The following MUC5B variants were observed in gnomAD, a reference collection of about 807,000 sequenced individuals.
The protein encoded by MUC5B is mucin 5B, oligomeric mucus/gel-forming, also known as mucin-5B.
In MUC5B, 116 loss-of-function variants were observed where a neutral mutation model predicts 376.9. That is an observed-to-expected ratio of 0.31 (90% CI 0.26 to 0.36). The LOEUF is 0.36. MUC5B is among the 10% of genes least tolerant of loss of function. The probability of loss-of-function intolerance (pLI) is 1.00; values close to 1 mark genes in which losing one functional copy is unlikely to be tolerated. For missense variants in MUC5B, 7,165 were observed against 7,769.9 expected, an observed-to-expected ratio of 0.92 and a Z score of 2.93; for synonymous variants, 3,517 against 3,390.9, an observed-to-expected ratio of 1.04 and a Z score of -1.29.
intron 9 of MUC5B, among the ~76,000 whole-genome samples, 180 bp from the exon 10 acceptor site, chr11:1,229,510 G>A (rs1861972324): frequency 6.6e-6 from 1 of 152,122 alleles, no homozygotes; most frequent in South Asian, 2.1e-4. Flanking sequence ...TGGGCATGGT[G>A]GGGAAACTGA....
In MUC5B at chr11:1,229,258, C is replaced by T. The variant is rs2075859; in HGVS notation, c.1065C>T (p.Cys355=). The T allele has an allele frequency of 0.37, 585,091 of 1,586,682 alleles. 109,515 individuals are homozygous for T. Among genetic ancestry groups the T allele is most frequent in the East Asian group, 0.6 (25,828 of 43,292 alleles). ...TCSNPQRAQL[C]EDHCVDGCFC... is the part of the protein sequence containing the mutation. ...CCAACCCCCAGCGCGCGCAGCTCTG[C>T]GAGGACCACTGTGTGGACGGCTGCT... is the stretch of plus-strand genomic sequence containing the variant. Residue 355 remains cysteine (C), a synonymous_variant, in exon 9 of 49, where the codon TGC becomes TGT. Coordinates refer to ENST00000529681, the MANE Select transcript of MUC5B (RefSeq NM_002458.3).
intron 46 of MUC5B, 69 bp downstream of exon 46, chr11:1,260,154 G>A: frequency 6.3e-7 from 1 of 1,577,332 alleles, no homozygotes; most frequent in Non-Finnish European, 8.6e-7. Flanking sequence ...CCCTGTCTGG[G>A]ATGCCCTGCA....
rs55961969 is a variant in MUC5B, at chr11:1,235,617, C to A, written c.2880+204C>A. ...TGGAGCCGGAAGTCAGAGATCCAGG[C>A]GGGCAGGGCCACACTCCCTGTCGAG... On this transcript the variant is annotated intron_variant, in intron 23 of 48. Transcript: ENST00000529681. 2,575 of 595,314 alleles carry A rather than the reference C, an allele frequency of 4.3e-3. 38 individuals are homozygous for A. Among genetic ancestry groups the A allele is most frequent in the African/African-American group, 0.043 (2,312 of 53,916 alleles). The allele number at this position is 595,314 out of a possible 1,614,324, so 36.9% of individuals were successfully genotyped here. A position where few individuals can be genotyped will look rare whatever the true frequency, so the allele number is the denominator to read the frequency against.
At position 1,258,525 on chromosome 11, in the gene MUC5B, G is replaced by A. The variant is rs1862907288; in HGVS notation, c.16593+158G>A. Among the ~76,000 whole-genome samples the A allele has an allele frequency of 6.6e-6, 1 of 152,252 alleles. No homozygotes were observed. Among genetic ancestry groups the A allele is most frequent in the African/African-American group, 2.4e-5 (1 of 41,540 alleles). ...CACGTCAGAGCTGGGACATGCTTGG[G>A]ACTCAGGGGCACCTTACGTCGACAG... On this transcript the variant is annotated intron_variant, in intron 43 of 48. Transcript: ENST00000529681. The surrounding 1 kb of genome is among the most constrained non-coding windows in gnomAD (Gnocchi z 5.5).
chr11:1,259,121 C>A lies in MUC5B; in HGVS notation c.16713+60C>A, dbSNP rs930831975. The A allele has an allele frequency of 3.3e-6, 5 of 1,495,970 alleles. No homozygotes were observed. In the African/African-American group the frequency reaches 4.3e-5, roughly 13 times the overall value. The allele number at this position is 1,495,970 out of a possible 1,614,324, so 92.7% of individuals were successfully genotyped here. ...CCGAGGCACCTGCCCCCAAGTGAGA[C>A]CCGAGGCACCTGCCCCCAGGTGAGA... On this transcript the variant is annotated intron_variant, in intron 44 of 48. Transcript: ENST00000529681.
chr11:1,245,940 C>A lies in MUC5B; in HGVS notation c.9060C>A (p.Pro3020=). ...AIPSSTPGTA[P]PPKVLTSTAT... ...CGTCCTCCACCCCGGGAACAGCTCC[C>A]CCTCCCAAAGTGCTGACCAGCACGG... Residue 3020 remains proline, a synonymous_variant, in exon 31 of 49, where the codon CCC becomes CCA. Transcript: ENST00000529681. The A allele has an allele frequency of 6.2e-7, 1 of 1,612,300 alleles. No homozygotes were observed. Among genetic ancestry groups the A allele is most frequent in the South Asian group, 1.1e-5 (1 of 91,018 alleles).
chr11:1,230,932 G>T lies in MUC5B; in HGVS notation c.1471-4G>T. On this transcript the variant is annotated splice_polypyrimidine_tract_variant and splice_region_variant and intron_variant, in intron 12 of 48. Coordinates refer to ENST00000529681, the MANE Select transcript of MUC5B (RefSeq NM_002458.3). Reference sequence around the variant, plus strand: ...GCTGACCTCCCGCCCGCCTCCTTCCGCAGGCCATCCGGGTCCAAGCGGACG... The same window carrying T: ...GCTGACCTCCCGCCCGCCTCCTTCCTCAGGCCATCCGGGTCCAAGCGGACG... The T allele has an allele frequency of 6.3e-7, 1 of 1,586,312 alleles. No homozygotes were observed. Among genetic ancestry groups the T allele is most frequent in the Non-Finnish European group, 8.6e-7 (1 of 1,167,528 alleles).
chr11:1,254,968 G>A, intron 35 of MUC5B, 73 bp from the exon 36 acceptor site: 1 of 637,432 alleles, frequency 1.6e-6, no homozygotes, highest in Admixed American at 2.3e-5. Context: ...GGAGGGGAAT[G>A]AGTGGGGGAG....
At position 1,258,035 on chromosome 11, in the gene MUC5B, TG is replaced by T; in HGVS notation, c.16451-61del. 1 of 1,459,200 alleles carries T rather than the reference TG, an allele frequency of 6.9e-7. No homozygotes were observed. The highest frequency in any genetic ancestry group is 9.4e-7 in the Non-Finnish European group (1 of 1,068,750). The allele number at this position is 1,459,200 out of a possible 1,614,324, so 90.4% of individuals were successfully genotyped here. ...GGAAAAGCACGCCTGCGACTTACTC[TG>T]GGAACAAGTGGTCGGGAGGAGGAGT... On this transcript the variant is annotated intron_variant, in intron 41 of 48. Coordinates refer to ENST00000529681, the MANE Select transcript of MUC5B (RefSeq NM_002458.3). This position sits in a 1 kb window ranked among gnomAD's most constrained non-coding sequence, Gnocchi z 5.5.
chr11:1,241,072 G>A lies in MUC5B; in HGVS notation c.4192G>A (p.Asp1398Asn). 1 of 1,612,430 alleles carries A rather than the reference G, an allele frequency of 6.2e-7. No homozygotes were observed. Among genetic ancestry groups the A allele is most frequent in the Non-Finnish European group, 8.5e-7 (1 of 1,179,618 alleles). ...MPLEELGQQV[D>N]CDRMRGLMCA... ...GCTGGAGGAGCTGGGCCAGCAGGTG[G>A]ACTGTGACCGCATGCGGGGGCTGAT... The change falls in exon 31 of 49, where the codon GAC (aspartate) becomes AAC (asparagine). Residue 1398 changes from aspartate (D) to asparagine (N), a missense_variant. By Grantham distance (23) the Asp-to-Asn change is conservative. This residue lies in a region of MUC5B where 517 missense variants were observed against 545.3 expected (regional missense o/e 0.95). Transcript: ENST00000529681.
intron 47 of MUC5B, 102 bp downstream of exon 47, chr11:1,260,495 G>A (rs550446460): frequency 7.6e-5 from 113 of 1,491,576 alleles, no homozygotes; most frequent in East Asian, 3.7e-4. Flanking sequence ...TGGGATGCCC[G>A]CGTCCAGACT....
rs1862308831 is a variant in MUC5B at position 1,242,370 on chromosome 11, C to CCGGG, written c.5494_5497dup (p.Glu1833GlyfsTer49). ...GCTGGGCACCAAAGAGCATAGAGTGCCGGGCGGAGAACTACCCCGAGGTAA... is the reference window on the plus strand; with the variant it reads ...GCTGGGCACCAAAGAGCATAGAGTGCCGGGCGGGCGGAGAACTACCCCGAGGTAA... On this transcript the variant is annotated frameshift_variant, in exon 31 of 49. Coordinates refer to ENST00000529681, the MANE Select transcript of MUC5B (RefSeq NM_002458.3). LOFTEE classifies it high-confidence loss of function. 6.2e-7 allele frequency: 1 copy of CCGGG among 1,613,734 alleles called. No individual in the cohort carries two copies. Among genetic ancestry groups the CCGGG allele is most frequent in the Admixed American group, 1.7e-5 (1 of 59,986 alleles).
rs1464024299 is a variant in MUC5B at position 1,236,998 on chromosome 11, T to C, written c.3131T>C (p.Val1044Ala). 1.9e-6 allele frequency: 3 copies of C among 1,572,992 alleles called. No homozygotes were observed. Among genetic ancestry groups the C allele is most frequent in the Admixed American group, 1.9e-5 (1 of 53,882 alleles). ...INDFATRSRS[V>A]VGDALEFGNS... ...GACTTTGCCACGCGTAGCCGGTCCG[T>C]GGTGGGGGACGCACTGGAGTTTGGG... Residue 1044 changes from valine (V) to alanine (A), a missense_variant, in exon 25 of 49, where the codon GTG becomes GCG. Physicochemically the swap from Val to Ala is moderately conservative, Grantham distance 64. Around this residue, in one of 31 missense-constraint regions of MUC5B, gnomAD observed 143 missense variants for 193.2 expected, o/e 0.74. Coordinates refer to ENST00000529681, the MANE Select transcript of MUC5B (RefSeq NM_002458.3).
intron 18 of MUC5B, 126 bp from the exon 19 acceptor site, chr11:1,233,667 C>T (rs1278143467): frequency 9.1e-6 from 8 of 883,356 alleles, no homozygotes; most frequent in African/African-American, 5.0e-5. Flanking sequence ...CAGCAGGCAC[C>T]GTCTGGCCTT....
At position 1,246,090 on chromosome 11, in the gene MUC5B, C is replaced by T; in HGVS notation, c.9210C>T (p.Pro3070=). The T allele has an allele frequency of 1.2e-6, 2 of 1,612,956 alleles. No homozygotes were observed. Among genetic ancestry groups the T allele is most frequent in the South Asian group, 1.1e-5 (1 of 91,018 alleles). Residue 3070 remains proline (P), a synonymous_variant, in exon 31 of 49, where the codon CCC becomes CCT. Transcript: ENST00000529681. ...CAGCTACCAGCTTTACACCCATCCC[C>T]TCCTTCACCCTTGGGACCACCGGGA... The part of the protein sequence containing the change: ...KSTATSFTPI[P]SFTLGTTGTL...
chr11:1,261,619 C>T lies in MUC5B; in HGVS notation c.*11C>T. The T allele has an allele frequency of 1.3e-6, 2 of 1,592,786 alleles. No individual in the cohort carries two copies. Among genetic ancestry groups the T allele is most frequent in the Non-Finnish European group, 1.7e-6 (2 of 1,170,208 alleles). On this transcript the variant is annotated 3_prime_UTR_variant, in exon 49 of 49. Transcript: ENST00000529681. ...GCCACTGCTGTCTGAGAACGTTCTG[C>T]CTCCATCCCCATGCTCTGTCCACCT...
Position 1,250,891 on chromosome 11 carries a change from A to C in MUC5B, c.14011A>C (p.Thr4671Pro). ...TGSMATPSSS[T>P]QTSGTPPSLT... ...TTCTATGGCAACACCCTCCTCTAGC[A>C]CACAGACCAGTGGTACTCCCCCATC... The change falls in exon 31 of 49, where the codon ACA (threonine) becomes CCA (proline). Residue 4671 changes from threonine (T) to proline (P), a missense_variant. Coordinates refer to ENST00000529681, the MANE Select transcript of MUC5B (RefSeq NM_002458.3). 1 of 1,587,936 alleles carries C rather than the reference A, an allele frequency of 6.3e-7. No homozygotes were observed. The highest frequency in any genetic ancestry group is 1.1e-5 in the South Asian group (1 of 88,882).
At chr11:1,227,222 T>TGGGCTTGGGGTCACG in intron 5 of MUC5B, 77 bp downstream of exon 5, 3 of 1,573,920 alleles carry the variant, frequency 1.9e-6, no homozygotes, top group Non-Finnish European at 2.6e-6. Context: ...GATGCCTCCC[T>TGGGCTTGGGGTCACG]GGGCTTGGGG....
Position 1,246,067 on chromosome 11 carries a change from G to T in MUC5B, c.9187G>T (p.Ala3063Ser), listed in dbSNP as rs1231606494. Reference protein sequence around the residue: ...VLTSTATKSTATSFTPIPSFT... With the variant: ...VLTSTATKSTSTSFTPIPSFT... The stretch of plus-strand genomic sequence containing the variant: ...GACAAGCACAGCCACCAAATCCACA[G>T]CTACCAGCTTTACACCCATCCCCTC... The change falls in exon 31 of 49, where the codon GCT becomes TCT. Residue 3063 changes from alanine (A) to serine (S), a missense_variant. Physicochemically the swap from Ala to Ser is moderately conservative, Grantham distance 99 (BLOSUM62 1). Coordinates refer to ENST00000529681, the MANE Select transcript of MUC5B (RefSeq NM_002458.3). 1 of 1,612,890 alleles carries T rather than the reference G, an allele frequency of 6.2e-7. No individual in the cohort carries two copies. The highest frequency in any genetic ancestry group is 1.3e-5 in the African/African-American group (1 of 74,460).
Sources: allele counts gnomAD v4.1 joint callset (sites outside exome capture counted in the v4.1 genomes callset), GRCh38; gene constraint gnomAD v4.1.1; regional missense constraint gnomAD v4.1.1; non-coding constraint Gnocchi (gnomAD v3.1); transcripts MANE v1.5; gene names NCBI Gene and HGNC (gene_info 2026-07-23, HGNC 2026-07-21).